SIRT7: variants seen among roughly 807,000 people sequenced by gnomAD.
SIRT7 encodes sirtuin 7, also known as NAD-dependent protein deacetylase sirtuin-7.
In SIRT7, 32 loss-of-function variants were observed where a neutral mutation model predicts 42.8. The ratio of observed to expected loss-of-function variants is 0.75; its 90% CI spans 0.56 to 1.00. SIRT7 has a LOEUF of 1.00. Among genes scored for constraint, SIRT7 ranks in the 50% least tolerant of loss-of-function variants. SIRT7 has a pLI of 0.00. For missense variants in SIRT7, 553 were observed against 572.2 expected, an observed-to-expected ratio of 0.97 and a Z score of 0.34; for synonymous variants, 297 against 245.2, an observed-to-expected ratio of 1.21 and a Z score of -1.97.
At position 81,914,699 on chromosome 17, in the gene SIRT7, G is replaced by A. The variant is rs1453948938; in HGVS notation, c.484C>T (p.Gln162Ter). 1.9e-6 allele frequency: 3 copies of A among 1,612,256 alleles called. No homozygotes were observed. In the South Asian group the frequency reaches 3.3e-5, roughly 18 times the overall value. ...ITRLHEQKLV[Q>*]HVVSQNCDGL... is the part of the protein sequence containing the mutation. ...TCACAGTTCTGAGACACCACATGCT[G>A]CACCTGGAAGGCAGAACGGGTGGCA... The change falls in exon 6 of 10, where the codon CAG becomes TAG. Residue 162 changes from glutamine to a stop codon, truncating the protein, a stop_gained. Coordinates refer to ENST00000328666, the MANE Select transcript of SIRT7 (RefSeq NM_016538.3). LOFTEE classifies it high-confidence loss of function.
In SIRT7 at chr17:81,918,078, C is replaced by G. The variant is rs774094419; in HGVS notation, c.54G>C (p.Arg18=). ...RSERKAAERV[R]RLREEQQRER... ...CCCTCTGCTGCTCCTCCCGCAACCT[C>G]CGGACCCGCTCCGCCGCTTTGCGCT... Residue 18 remains arginine (R), a synonymous_variant, in exon 1 of 10, where the codon CGG becomes CGC. Transcript: ENST00000328666. The G allele has an allele frequency of 9.2e-5, 143 of 1,550,970 alleles. No homozygotes were observed. The African/African-American group carries it at 2.0e-3, about 21-fold the overall frequency.
In SIRT7 at chr17:81,918,157, G is replaced by C; in HGVS notation, c.-26C>G. On this transcript the variant is annotated 5_prime_UTR_variant, in exon 1 of 10. Transcript: ENST00000328666. ...CGCTCCCCTGGAGACCTGCTCTTCC[G>C]CTTCCGCCTCACACGGCAGGCCGCG... The C allele has an allele frequency of 3.3e-6, 5 of 1,521,606 alleles. No individual in the cohort carries two copies. Among genetic ancestry groups the C allele is most frequent in the Non-Finnish European group, 3.5e-6 (4 of 1,143,672 alleles). 94.3% of individuals were successfully genotyped at this position (1,521,606 alleles called of 1,614,324 possible).
At position 81,913,390 on chromosome 17, in the gene SIRT7, A is replaced by AC. The variant is rs763732120; in HGVS notation, c.1004+383_1004+384insG. The AC allele has an allele frequency of 1.3e-3, 574 of 449,060 alleles. 1 individual carries two copies. Among genetic ancestry groups the AC allele is most frequent in the South Asian group, 1.6e-3 (96 of 61,456 alleles). 27.8% of individuals were successfully genotyped at this position (449,060 alleles called of 1,614,324 possible). A position where few individuals can be genotyped will look rare whatever the true frequency, so the allele number is the denominator to read the frequency against. On this transcript the variant is annotated intron_variant, in intron 9 of 9. Coordinates refer to ENST00000328666, the MANE Select transcript of SIRT7 (RefSeq NM_016538.3). This position sits in a 1 kb window ranked among gnomAD's most constrained non-coding sequence, Gnocchi z 5.0. The stretch of plus-strand genomic sequence containing the variant: ...TTCTGTATTAAGGCACAGTTTGTTT[A>AC]AGCTTTCCCAAAGTACGCCAACTCC...
At chr17:81,917,769 C>T (rs1420456017) in intron 2 of SIRT7, 50 bp from the exon 3 acceptor site, 2 of 1,450,678 alleles carry the variant, frequency 1.4e-6, no homozygotes, top group Non-Finnish European at 1.8e-6. Context: ...CACCCGGGAC[C>T]GCCCGTCGCC....
chr17:81,912,208 G>C lies in SIRT7; in HGVS notation c.*208C>G, dbSNP rs1232452676. On this transcript the variant is annotated 3_prime_UTR_variant, in exon 10 of 10. Transcript: ENST00000328666. ...CTGCCACCTCTTGACACAGAGGCCG[G>C]ATGGGCAGGTGTCCTCGATGGCCAG... 1.6e-5 allele frequency: 10 copies of C among 623,794 alleles called. No individual in the cohort carries two copies. The highest frequency in any genetic ancestry group is 1.7e-5 in the Non-Finnish European group (6 of 356,932). The allele number at this position is 623,794 out of a possible 1,614,324, so 38.6% of individuals were successfully genotyped here.
Position 81,917,960 on chromosome 17 carries a change from C to A in SIRT7, c.101G>T (p.Arg34Leu). ...CTCCGCCGCCGCCTTCCTCAGGATG[C>A]GCGACACCTGCGGGCAGGCGGACGG... is the stretch of plus-strand genomic sequence containing the variant. Reference protein sequence around the residue: ...QQRERLRQVSRILRKAAAERS... With the variant: ...QQRERLRQVSLILRKAAAERS... Residue 34 changes from arginine (R) to leucine (L), a missense_variant, in exon 2 of 10, where the codon CGC becomes CTC. By Grantham distance (102) the Arg-to-Leu change is moderately radical. Coordinates refer to ENST00000328666, the MANE Select transcript of SIRT7 (RefSeq NM_016538.3). 3 of 1,356,184 alleles carry A rather than the reference C, an allele frequency of 2.2e-6. No individual in the cohort carries two copies. The highest frequency in any genetic ancestry group is 9.4e-7 in the Non-Finnish European group (1 of 1,060,902). 84.0% of individuals were successfully genotyped at this position (1,356,184 alleles called of 1,614,324 possible).
Position 81,913,759 on chromosome 17 carries a change from C to T in SIRT7, c.1004+15G>A. 6.5e-7 allele frequency: 1 copy of T among 1,543,132 alleles called. No homozygotes were observed. The highest frequency in any genetic ancestry group is 8.8e-7 in the Non-Finnish European group (1 of 1,141,916). On this transcript the variant is annotated intron_variant, in intron 9 of 9. Transcript: ENST00000328666. This position sits in a 1 kb window ranked among gnomAD's most constrained non-coding sequence, Gnocchi z 5.0. Reference sequence around the variant, plus strand: ...AGAGGTGCGGGGAAGCAGGCTGCTGCAGCGGCTCACTCACCTGCTATAGGC... The same window carrying T: ...AGAGGTGCGGGGAAGCAGGCTGCTGTAGCGGCTCACTCACCTGCTATAGGC...
chr17:81,917,356 T>C (rs910692259), intron 3 of SIRT7: 3 of 372,888 alleles, frequency 8.0e-6, no homozygotes, highest in South Asian at 8.7e-5. Flanking sequence ...AATCACAACT[T>C]TGGGCTTAGC....
rs1567908372 is a variant in SIRT7, at chr17:81,914,584, G to A, written c.579+20C>T. ...ACCCGCCTGCCCATGGAGACCCTGG[G>A]TCCCTGCAGGACTGCTCACTTCAAT... On this transcript the variant is annotated intron_variant, in intron 6 of 9. Coordinates refer to ENST00000328666, the MANE Select transcript of SIRT7 (RefSeq NM_016538.3). 7 of 1,612,796 alleles carry A rather than the reference G, an allele frequency of 4.3e-6. No individual in the cohort carries two copies. Among genetic ancestry groups the A allele is most frequent in the East Asian group, 2.2e-5 (1 of 44,882 alleles).
rs751933545 is a variant in SIRT7, at chr17:81,918,118, C to A, written c.14G>T (p.Gly5Val). ...CGCTTTGCGCTCGGAGCGGCTCAGA[C>A]CCCCGGCTGCCATCGCTCCCCTGGA... The part of the protein sequence containing the change: MAAG[G>V]LSRSERKAAE... Residue 5 changes from glycine (G) to valine (V), a missense_variant, in exon 1 of 10, where the codon GGT becomes GTT. By Grantham distance (109) the Gly-to-Val change is moderately radical (BLOSUM62 -3). Transcript: ENST00000328666. 6.4e-7 allele frequency: 1 copy of A among 1,550,488 alleles called. No homozygotes were observed. Among genetic ancestry groups the A allele is most frequent in the South Asian group, 1.2e-5 (1 of 86,060 alleles).
In SIRT7 at chr17:81,913,649, A is replaced by G; in HGVS notation, c.1004+125T>C. ...GGCCCTCTGGAGACCACCACGCTTC[A>G]GTCATGCCTCAGGCACCACTGCAAA... On this transcript the variant is annotated intron_variant, in intron 9 of 9. Coordinates refer to ENST00000328666, the MANE Select transcript of SIRT7 (RefSeq NM_016538.3). The surrounding 1 kb of genome is among the most constrained non-coding windows in gnomAD (Gnocchi z 5.0). 1 of 816,082 alleles carries G rather than the reference A, an allele frequency of 1.2e-6. No individual in the cohort carries two copies. Among genetic ancestry groups the G allele is most frequent in the South Asian group, 1.7e-5 (1 of 60,316 alleles). The allele number at this position is 816,082 out of a possible 1,614,324, so 50.6% of individuals were successfully genotyped here.
chr17:81,914,959 T>TGG (rs2040766913), intron 5 of SIRT7: 1 of 552,202 alleles, frequency 1.8e-6, no homozygotes, highest in African/African-American at 1.9e-5. Flanking sequence ...GGCAAGAGGT[T>TGG]GCACCGTCCC....
intron 3 of SIRT7, chr17:81,915,892 G>T: frequency 1.7e-6 from 1 of 581,338 alleles, no homozygotes; most frequent in East Asian, 3.1e-5. Context: ...TCCGTTTCCC[G>T]CCTGGCCTGG....
intron 3 of SIRT7, chr17:81,916,386 G>A (rs1046514502): frequency 6.6e-6 from 1 of 151,570 alleles, no homozygotes; most frequent in African/African-American, 2.4e-5. Flanking sequence ...AAATCCACTA[G>A]CTGCATGTGC....
At position 81,917,859 on chromosome 17, in the gene SIRT7, G is replaced by C; in HGVS notation, c.202C>G (p.Arg68Gly). The C allele has an allele frequency of 7.0e-7, 1 of 1,437,060 alleles. No homozygotes were observed. The highest frequency in any genetic ancestry group is 9.1e-7 in the Non-Finnish European group (1 of 1,099,032). 89.0% of individuals were successfully genotyped at this position (1,437,060 alleles called of 1,614,324 possible). The part of the protein sequence containing the change: ...VTELQGRSRR[R>G]EGLKRRQEEV... ...TCCTGCCGCCGCTTCAGGCCCTCGC[G>C]CCGCCGGCTCCGGCCCTGCAGCTCC... The change falls in exon 2 of 10, where the codon CGC becomes GGC. Residue 68 changes from arginine (R) to glycine (G), a missense_variant. Physicochemically the swap from Arg to Gly is moderately radical, Grantham distance 125 (BLOSUM62 -2). Transcript: ENST00000328666.
In SIRT7 at chr17:81,912,412, G is replaced by GT. The variant is rs1567905187; in HGVS notation, c.*3dup. ...GTGCCAACTGTTCTTCATCGAGCAC[G>GT]TGATTACGTCACTTTCTTCCTTTTT... On this transcript the variant is annotated 3_prime_UTR_variant, in exon 10 of 10. Transcript: ENST00000328666. 1 of 1,614,116 alleles carries GT rather than the reference G, an allele frequency of 6.2e-7. No homozygotes were observed. The highest frequency in any genetic ancestry group is 2.2e-5 in the East Asian group (1 of 44,888).
rs1371951359 is a variant in SIRT7, at chr17:81,912,123, C to T, written c.*293G>A. 1 of 483,706 alleles carries T rather than the reference C, an allele frequency of 2.1e-6. No homozygotes were observed. Among genetic ancestry groups the T allele is most frequent in the Non-Finnish European group, 3.7e-6 (1 of 267,020 alleles). The allele number at this position is 483,706 out of a possible 1,614,324, so 30.0% of individuals were successfully genotyped here. A position where few individuals can be genotyped will look rare whatever the true frequency, so the allele number is the denominator to read the frequency against. ...GTGAGCGAGGAAAGGCCGCTGGGCG[C>T]TTCCACTCTGCAGGCCGGGGCTGAA... On this transcript the variant is annotated 3_prime_UTR_variant, in exon 10 of 10. Transcript: ENST00000328666.
intron 5 of SIRT7, chr17:81,915,060 G>A (rs920602838): frequency 2.9e-5 from 14 of 482,266 alleles, no homozygotes; most frequent in Non-Finnish European, 4.6e-5. Context: ...GGTCCCTGGG[G>A]ACCTAGGCAG....
At position 81,917,892 on chromosome 17, in the gene SIRT7, G is replaced by C; in HGVS notation, c.169C>G (p.Leu57Val). ...CTCCGGCCCTGCAGCTCCGTTACCAGGTCCGCGCTCTCGGCCAGCAGCCGG... is the reference window on the plus strand; with the variant it reads ...CTCCGGCCCTGCAGCTCCGTTACCACGTCCGCGCTCTCGGCCAGCAGCCGG... Reference protein sequence around the residue: ...EGRLLAESADLVTELQGRSRR... With the variant: ...EGRLLAESADVVTELQGRSRR... The change falls in exon 2 of 10, where the codon CTG (leucine) becomes GTG (valine). Residue 57 changes from leucine (L) to valine (V), a missense_variant. Coordinates refer to ENST00000328666, the MANE Select transcript of SIRT7 (RefSeq NM_016538.3). 7.0e-7 allele frequency: 1 copy of C among 1,431,512 alleles called. No homozygotes were observed. The highest frequency in any genetic ancestry group is 9.1e-7 in the Non-Finnish European group (1 of 1,094,736). The allele number at this position is 1,431,512 out of a possible 1,614,324, so 88.7% of individuals were successfully genotyped here. A position where few individuals can be genotyped will look rare whatever the true frequency, so the allele number is the denominator to read the frequency against.
Sources: allele counts gnomAD v4.1 joint callset, GRCh38; gene constraint gnomAD v4.1.1; non-coding constraint Gnocchi (gnomAD v3.1); transcripts MANE v1.5; gene names NCBI Gene and HGNC (gene_info 2026-07-23, HGNC 2026-07-21).